Variants in TMC1 observed in about 807,000 individuals in gnomAD.
TMC1 encodes the protein transmembrane channel like 1, also known as transmembrane channel-like protein 1.
A neutral mutation model predicts 105.8 loss-of-function variants in TMC1; 84 were observed. The ratio of observed to expected loss-of-function variants is 0.79; its 90% CI spans 0.67 to 0.95. TMC1 has a LOEUF of 0.95. Ranked by LOEUF, TMC1 falls within the 40% of genes least tolerant of loss-of-function variation. TMC1 has a pLI of 0.00. For synonymous variants in TMC1, 315 were observed against 311.5 expected (o/e 1.01, Z -0.12); for missense variants, 817 against 914.1 (o/e 0.89, Z 1.37).
intron 2 of TMC1, among the ~76,000 whole-genome samples, chr9:72,596,347 C>T (rs1481535811): frequency 6.6e-6 from 1 of 152,060 alleles, no homozygotes. Flanking sequence ...TTGAACAATT[C>T]AGTGTTCCAG....
At chr9:72,584,169 C>T (rs1476781558) in intron 2 of TMC1, among the ~76,000 whole-genome samples, 1 of 151,988 alleles carries the variant, frequency 6.6e-6, no homozygotes, top group African/African-American at 2.4e-5. Flanking sequence ...ATTCATTCTA[C>T]AGGCCTTTAA....
chr9:72,829,932 A>G (rs1319148060), intron 21 of TMC1, among the ~76,000 whole-genome samples: 2 of 152,220 alleles, frequency 1.3e-5, no homozygotes, highest in East Asian at 3.8e-4. Context: ...AGAAATGCAA[A>G]CAATACATTC....
intron 8 of TMC1, among the ~76,000 whole-genome samples, chr9:72,734,623 A>T (rs1452143235): frequency 6.6e-6 from 1 of 151,976 alleles, no homozygotes; most frequent in Non-Finnish European, 1.5e-5. Context: ...CCACAGTAAT[A>T]TTTCATGAGA....
intron 17 of TMC1, 28 bp from the exon 18 acceptor site, chr9:72,805,354 T>C (rs1459197873): frequency 6.2e-7 from 1 of 1,611,992 alleles, no homozygotes; most frequent in South Asian, 1.1e-5. Flanking sequence ...CAGAACTGTG[T>C]GTTTTAATAG....
Position 72,545,120 on chromosome 9 carries a change from A to G in TMC1, c.-428+23207A>G, listed in dbSNP as rs1255695583. Reference sequence around the variant, plus strand: ...ATGTTCCTTTTTATGGCTGAGTAGTATTTCATGATATATATATACACACAC... The same window carrying G: ...ATGTTCCTTTTTATGGCTGAGTAGTGTTTCATGATATATATATACACACAC... On this transcript the variant is annotated intron_variant, in intron 1 of 23. Coordinates refer to ENST00000297784, the MANE Select transcript of TMC1 (RefSeq NM_138691.3). Among the ~76,000 whole-genome samples, 4 of 149,062 alleles carry G rather than the reference A, an allele frequency of 2.7e-5. No homozygotes were observed. The South Asian group carries it at 6.4e-4, about 24-fold the overall frequency.
intron 1 of TMC1, among the ~76,000 whole-genome samples, chr9:72,543,103 TC>T (rs1353094114): frequency 6.6e-6 from 1 of 152,230 alleles, no homozygotes; most frequent in African/African-American, 2.4e-5. Context: ...TGTTTACATT[TC>T]ATCTTGTAAG....
intron 4 of TMC1, among the ~76,000 whole-genome samples, chr9:72,647,556 G>A (rs7026203): frequency 0.23 from 35,431 of 151,982 alleles, 4,404 homozygotes; most frequent in East Asian, 0.38. Flanking sequence ...TGTATCAGCT[G>A]TCTTCTCTCT....
At chr9:72,540,823 A>G (rs1294178930) in intron 1 of TMC1, among the ~76,000 whole-genome samples, 1 of 152,188 alleles carries the variant, frequency 6.6e-6, no homozygotes, top group East Asian at 1.9e-4. Flanking sequence ...TGTGTGACTA[A>G]GGCAAATTAA....
chr9:72,749,281 A>C (rs1429392783), intron 10 of TMC1, among the ~76,000 whole-genome samples: 1 of 152,216 alleles, frequency 6.6e-6, no homozygotes. Flanking sequence ...TTAGTATCCT[A>C]TATGCGGGAT....
chr9:72,792,460 T>A, intron 17 of TMC1, 108 bp downstream of exon 17: 1 of 1,313,526 alleles, frequency 7.6e-7, no homozygotes, highest in Non-Finnish European at 1.1e-6. Flanking sequence ...TAAAAATAGC[T>A]AAGATTTGTT....
Position 72,820,999 on chromosome 9 carries a change from C to T in TMC1, c.1921C>T (p.Leu641=), listed in dbSNP as rs1318364193. The T allele has an allele frequency of 1.9e-6, 3 of 1,614,178 alleles. No homozygotes were observed. Among genetic ancestry groups the T allele is most frequent in the East Asian group, 4.5e-5 (2 of 44,882 alleles). The change falls in exon 20 of 24, where the codon CTG becomes TTG. Residue 641 remains leucine (L), a synonymous_variant. Coordinates refer to ENST00000297784, the MANE Select transcript of TMC1 (RefSeq NM_138691.3). ...AAATAACTTCTACCTGGGCATGCTA[C>T]TGCTCATCCTCTTCCTGTCCACAAT... ...RSNNFYLGML[L]LILFLSTMPV...
chr9:72,609,798 TTTC>T (rs538655790), intron 2 of TMC1, among the ~76,000 whole-genome samples: 60 of 152,276 alleles, frequency 3.9e-4, no homozygotes, highest in African/African-American at 1.4e-3. Flanking sequence ...GTCTTTTTTT[TTTC>T]TTTGCCTGAA....
intron 2 of TMC1, among the ~76,000 whole-genome samples, chr9:72,606,998 T>TAGAGAGAGAGAG (rs566531350): frequency 1.2e-3 from 139 of 117,258 alleles, no homozygotes; most frequent in African/African-American, 2.1e-3. Flanking sequence ...TATATATATA[T>TAGAGAGAGAGAG]ATATAGAGAG....
intron 3 of TMC1, among the ~76,000 whole-genome samples, chr9:72,623,846 G>A (rs1459769627): frequency 6.6e-6 from 1 of 152,160 alleles, no homozygotes; most frequent in Admixed American, 6.5e-5. Context: ...CATGATAAAT[G>A]TGCACCATGG....
intron 7 of TMC1, among the ~76,000 whole-genome samples, chr9:72,698,338 C>G (rs977344233): frequency 2.6e-5 from 4 of 152,118 alleles, no homozygotes; most frequent in Non-Finnish European, 5.9e-5. Flanking sequence ...TGATTAAAAA[C>G]TATAAATTGG....
chr9:72,785,370 A>G (rs1021411335), intron 13 of TMC1, among the ~76,000 whole-genome samples: 1 of 152,154 alleles, frequency 6.6e-6, no homozygotes, highest in African/African-American at 2.4e-5. Context: ...ACTATCATTA[A>G]TTTCTTTTTT....
chr9:72,789,285 C>A lies in TMC1; in HGVS notation c.1192C>A (p.Pro398Thr). The change falls in exon 15 of 24, where the codon CCT becomes ACT. Residue 398 changes from proline (P) to threonine (T), a missense_variant. By Grantham distance (38) the Pro-to-Thr change is conservative. Transcript: ENST00000297784. ...KRSQEFAQQD[P>T]DTLGWWEKNE... The stretch of plus-strand genomic sequence containing the variant: ...ATCCCAGGAATTTGCACAGCAAGAT[C>A]CTGACACCCTTGGGTGGTGGGAAAA... The A allele has an allele frequency of 1.2e-6, 2 of 1,614,042 alleles. No homozygotes were observed. The highest frequency in any genetic ancestry group is 1.7e-6 in the Non-Finnish European group (2 of 1,179,914).
chr9:72,667,368 C>T (rs1022583893), intron 5 of TMC1, among the ~76,000 whole-genome samples: 1 of 152,212 alleles, frequency 6.6e-6, no homozygotes, highest in African/African-American at 2.4e-5. Flanking sequence ...CAGCTTCCTT[C>T]TTCCTGGTTG....
At chr9:72,584,903 G>A (rs1416198756) in intron 2 of TMC1, among the ~76,000 whole-genome samples, 3 of 148,276 alleles carry the variant, frequency 2.0e-5, no homozygotes, top group African/African-American at 7.5e-5. Flanking sequence ...TCCTACGTCA[G>A]CCTCCTGAGT....
Sources: allele counts gnomAD v4.1 joint callset (sites outside exome capture counted in the v4.1 genomes callset), GRCh38; gene constraint gnomAD v4.1.1; transcripts MANE v1.5; gene names NCBI Gene and HGNC (gene_info 2026-07-23, HGNC 2026-07-21).